METRNL: variants seen among roughly 807,000 people sequenced by gnomAD.
METRNL encodes meteorin like, glial cell differentiation regulator.
METRNL carries 9 observed loss-of-function variants against 17.4 expected under a neutral mutation model. The observed-to-expected ratio is 0.52, with a 90% CI of 0.31 to 0.90. The LOEUF (loss-of-function observed/expected upper bound fraction) is 0.90, where lower values mean the gene tolerates loss of function less well. METRNL is among the 40% of genes least tolerant of loss of function. The pLI is 0.05. For synonymous variants in METRNL, 215 were observed against 199.3 expected (o/e 1.08, Z -0.66); for missense variants, 408 against 430.7 (o/e 0.95, Z 0.47).
At chr17:83,089,259 A>C (rs1157790445) in intron 2 of METRNL, among the ~76,000 whole-genome samples, 1 of 151,948 alleles carries the variant, frequency 6.6e-6, no homozygotes, top group Non-Finnish European at 1.5e-5. Flanking sequence ...GCTCCTCTGA[A>C]AGCACCTTAT....
intron 1 of METRNL, among the ~76,000 whole-genome samples, chr17:83,080,578 C>G (rs1269334157): frequency 1.6e-5 from 2 of 127,626 alleles, no homozygotes; most frequent in African/African-American, 2.8e-5. Flanking sequence ...CCCCCCCCCC[C>G]CACCCGCGGT....
chr17:83,079,864 C>G lies in METRNL; in HGVS notation c.49C>G (p.Pro17Ala), dbSNP rs939037769. The change falls in exon 1 of 4, where the codon CCG becomes GCG. Residue 17 changes from proline (P) to alanine (A), a missense_variant. Transcript: ENST00000320095. ...CTGGGGGCGCGCGGGGCAGCCGTGG[C>G]CGCGACCCCCCGCCCCGGGCCCGCC... The part of the protein sequence containing the change: ...AAWGRAGQPW[P>A]RPPAPGPPPP... The G allele has an allele frequency of 1.3e-3, 1,293 of 971,796 alleles. 17 individuals carry two copies. The African/African-American group carries it at 0.022, about 16-fold the overall frequency. 60.2% of individuals were successfully genotyped at this position (971,796 alleles called of 1,614,324 possible). A position where few individuals can be genotyped will look rare whatever the true frequency, so the allele number is the denominator to read the frequency against.
chr17:83,089,590 C>T (rs1017950676), intron 2 of METRNL, among the ~76,000 whole-genome samples: 1 of 151,930 alleles, frequency 6.6e-6, no homozygotes, highest in African/African-American at 2.4e-5. Context: ...GATGTCCACA[C>T]CCCAGCCCTC....
intron 2 of METRNL, among the ~76,000 whole-genome samples, chr17:83,092,714 C>T (rs572891309): frequency 1.3e-5 from 2 of 152,156 alleles, no homozygotes; most frequent in East Asian, 3.9e-4. Context: ...CTGGTGGGTT[C>T]GGTTCAGCCC....
At position 83,090,196 on chromosome 17, in the gene METRNL, C is replaced by CCA. The variant is rs1352436565; in HGVS notation, c.557-2965_557-2964dup. 3.1e-3 allele frequency among the ~76,000 whole-genome samples: 253 copies of CCA among 81,004 alleles called. 12 individuals are homozygous for CCA. Among genetic ancestry groups the CCA allele is most frequent in the Non-Finnish European group, 5.1e-3 (190 of 37,172 alleles). 53.1% of individuals were successfully genotyped at this position (81,004 alleles called of 152,430 possible). A position where few individuals can be genotyped will look rare whatever the true frequency, so the allele number is the denominator to read the frequency against. ...CCCCTGCCCCGCCCCAGGGTGGGAG[C>CCA]CACACACCCCCGCCCCGCCCCAGGG... On this transcript the variant is annotated intron_variant, in intron 2 of 3. Coordinates refer to ENST00000320095, the MANE Select transcript of METRNL (RefSeq NM_001004431.3).
intron 2 of METRNL, among the ~76,000 whole-genome samples, chr17:83,089,492 C>T (rs1043430058): frequency 2.6e-5 from 4 of 152,258 alleles, no homozygotes; most frequent in African/African-American, 7.2e-5. Flanking sequence ...ACCTGCCGTG[C>T]AATCTAAGTC....
intron 1 of METRNL, among the ~76,000 whole-genome samples, chr17:83,082,500 C>T (rs2038001454): frequency 6.6e-6 from 1 of 152,230 alleles, no homozygotes; most frequent in Admixed American, 6.5e-5. Context: ...TCTGTTGATC[C>T]AACATCAGAT....
intron 2 of METRNL, among the ~76,000 whole-genome samples, chr17:83,085,906 C>T (rs560418354): frequency 1.1e-4 from 17 of 152,338 alleles, no homozygotes; most frequent in Admixed American, 7.8e-4. Flanking sequence ...CAGCCCTGAG[C>T]GGTGCTGAGC....
intron 2 of METRNL, among the ~76,000 whole-genome samples, chr17:83,089,647 C>T (rs542095061): frequency 1.3e-5 from 2 of 152,232 alleles, no homozygotes; most frequent in African/African-American, 2.4e-5. Context: ...TGCCGACCCT[C>T]CCCACCGCCC....
At chr17:83,080,507 C>A (rs2037970382) in intron 1 of METRNL, among the ~76,000 whole-genome samples, 1 of 147,024 alleles carries the variant, frequency 6.8e-6, no homozygotes, top group Admixed American at 6.7e-5. Context: ...CCGGGCCCCC[C>A]GCCCCTGCCC....
chr17:83,094,149 A>C lies in METRNL; in HGVS notation c.617-107A>C, dbSNP rs1373233539. 54 of 938,756 alleles carry C rather than the reference A, an allele frequency of 5.8e-5. No individual in the cohort carries two copies. In the East Asian group the frequency reaches 1.5e-3, roughly 25 times the overall value. The allele number at this position is 938,756 out of a possible 1,614,324, so 58.2% of individuals were successfully genotyped here. Reference sequence around the variant, plus strand: ...ACGCTAGATGGCAGAGTCGGGGGTCAGCTGCCCGTTCCAGTGCCCATCGAT... The same window carrying C: ...ACGCTAGATGGCAGAGTCGGGGGTCCGCTGCCCGTTCCAGTGCCCATCGAT... On this transcript the variant is annotated intron_variant, in intron 3 of 3. Transcript: ENST00000320095.
intron 1 of METRNL, chr17:83,082,145 G>T (rs2037997355): frequency 2.0e-6 from 2 of 985,470 alleles, no homozygotes; most frequent in African/African-American, 3.5e-5. Context: ...ATCAGCCAGT[G>T]CTCATAAATG....
intron 1 of METRNL, among the ~76,000 whole-genome samples, chr17:83,083,712 T>C (rs1316115088): frequency 6.6e-6 from 1 of 152,188 alleles, no homozygotes; most frequent in East Asian, 1.9e-4. Context: ...GAGTGAGGTT[T>C]GGGGGCCCAG....
intron 3 of METRNL, 85 bp from the exon 4 acceptor site, chr17:83,094,171 C>G (rs1256083900): frequency 3.4e-6 from 4 of 1,169,564 alleles, no homozygotes; most frequent in Non-Finnish European, 4.8e-6. Context: ...CAGTGCCCAT[C>G]GATGCGGGGG....
At chr17:83,090,995 C>G (rs1035937650) in intron 2 of METRNL, among the ~76,000 whole-genome samples, 4 of 152,168 alleles carry the variant, frequency 2.6e-5, no homozygotes, top group African/African-American at 4.8e-5. Flanking sequence ...GGGCCACACC[C>G]CGGGGCCCCC....
chr17:83,084,822 G>A (rs1333992430), intron 1 of METRNL, 116 bp from the exon 2 acceptor site: 1 of 1,352,684 alleles, frequency 7.4e-7, no homozygotes, highest in Non-Finnish European at 1.0e-6. Flanking sequence ...GGCAGCGGGT[G>A]GGTCCAGGAG....
At position 83,079,684 on chromosome 17, in the gene METRNL, G is replaced by A. The variant is rs1377000430; in HGVS notation, c.-132G>A. The A allele has an allele frequency of 1.7e-5, 4 of 237,246 alleles. No homozygotes were observed. The highest frequency in any genetic ancestry group is 7.1e-5 in the African/African-American group (3 of 42,298). 14.7% of individuals were successfully genotyped at this position (237,246 alleles called of 1,614,324 possible). A position where few individuals can be genotyped will look rare whatever the true frequency, so the allele number is the denominator to read the frequency against. Reference sequence around the variant, plus strand: ...GGCCGGGATGGGCGGGCGGCCGCGCGGAGGACGCGGGGGGCGCGCGACGTG... The same window carrying A: ...GGCCGGGATGGGCGGGCGGCCGCGCAGAGGACGCGGGGGGCGCGCGACGTG... On this transcript the variant is annotated 5_prime_UTR_variant, in exon 1 of 4. Transcript: ENST00000320095.
At chr17:83,091,152 C>T (rs1049855059) in intron 2 of METRNL, among the ~76,000 whole-genome samples, 3 of 152,082 alleles carry the variant, frequency 2.0e-5, no homozygotes, top group Non-Finnish European at 2.9e-5. Context: ...CAGAGGTGCC[C>T]CCCCAGTGCC....
chr17:83,083,272 C>T (rs2038010708), intron 1 of METRNL, among the ~76,000 whole-genome samples: 1 of 152,216 alleles, frequency 6.6e-6, no homozygotes, highest in Non-Finnish European at 1.5e-5. Context: ...CAGAGGTGAC[C>T]AGAGCCCGCT....
Sources: allele counts gnomAD v4.1 joint callset (sites outside exome capture counted in the v4.1 genomes callset), GRCh38; gene constraint gnomAD v4.1.1; transcripts MANE v1.5; gene names NCBI Gene and HGNC (gene_info 2026-07-23, HGNC 2026-07-21).